The following C12orf76 variants were observed in gnomAD, a reference collection of about 807,000 sequenced individuals.
C12orf76 encodes chromosome 12 open reading frame 76.
In C12orf76, 6 loss-of-function variants were observed where a neutral mutation model predicts 6.8. That is an observed-to-expected ratio of 0.88 (90% confidence interval 0.48 to 1.73). The LOEUF is 1.73. C12orf76 is among the 40% of genes most tolerant of loss of function. The pLI, the probability that C12orf76 is intolerant of heterozygous loss-of-function variation, is 0.01. For synonymous variants in C12orf76, 56 were observed against 43.7 expected, an observed-to-expected ratio of 1.28 and a Z score of -1.11; for missense variants, 99 against 98.2, an observed-to-expected ratio of 1.01 and a Z score of -0.03.
chr12:110,045,388 C>T (rs1892424076), intron 1 of C12orf76, among the ~76,000 whole-genome samples: 1 of 151,596 alleles, frequency 6.6e-6, no homozygotes, highest in Non-Finnish European at 1.5e-5. Context: ...GAGATCGAGA[C>T]CACTCTGGCT....
chr12:110,062,221 G>A (rs1037167920), intron 2 of C12orf76, among the ~76,000 whole-genome samples: 1 of 152,124 alleles, frequency 6.6e-6, no homozygotes, highest in African/African-American at 2.4e-5. Flanking sequence ...CCAAGATCGT[G>A]CCACTCCACT....
chr12:110,066,479 G>A (rs935310170), intron 1 of C12orf76, among the ~76,000 whole-genome samples: 3 of 151,132 alleles, frequency 2.0e-5, no homozygotes, highest in African/African-American at 7.3e-5. Flanking sequence ...CCTGAGGTCG[G>A]GAGTTTGAGA....
In C12orf76 at chr12:110,042,409, C is replaced by A; in HGVS notation, c.184G>T (p.Ala62Ser). Reference protein sequence around the residue: ...SILLVTVILMAFCVYKPIRRR With the variant: ...SILLVTVILMSFCVYKPIRRR ...CGAATGGGCTTGTAGACACAAAATG[C>A]CATAAGGATGACAGTCACCAGCAGG... Residue 62 changes from alanine (A) to serine (S), a missense_variant, in exon 2 of 2, where the codon GCA becomes TCA. By Grantham distance (99) the Ala-to-Ser change is moderately conservative. Coordinates refer to ENST00000615315, the MANE Select transcript of C12orf76 (RefSeq NM_001389625.1). The A allele has an allele frequency of 6.2e-7, 1 of 1,614,098 alleles. No homozygotes were observed. Among genetic ancestry groups the A allele is most frequent in the Non-Finnish European group, 8.5e-7 (1 of 1,179,970 alleles).
chr12:110,061,727 G>A (rs913819901), intron 2 of C12orf76, among the ~76,000 whole-genome samples: 2 of 151,520 alleles, frequency 1.3e-5, no homozygotes, highest in African/African-American at 2.4e-5. Context: ...TAGTAGAGAT[G>A]GGGTTTCACC....
chr12:110,056,154 G>C (rs1339480508), intron 4 of C12orf76, among the ~76,000 whole-genome samples: 3 of 152,090 alleles, frequency 2.0e-5, no homozygotes, highest in Non-Finnish European at 2.9e-5. Flanking sequence ...TTACCTGTAG[G>C]AGGGGAATAC....
upstream of C12orf76, chr12:110,051,051 C>G: frequency 1.3e-6 from 1 of 779,686 alleles, no homozygotes; most frequent in Non-Finnish European, 2.4e-6. Context: ...CCAACTTCTT[C>G]ATTTCTTTCT....
At chr12:110,070,869 G>A (rs1356550191), upstream of C12orf76, among the ~76,000 whole-genome samples, 1 of 152,196 alleles carries the variant, frequency 6.6e-6, no homozygotes, top group Non-Finnish European at 1.5e-5. Flanking sequence ...CCACCTCCCA[G>A]ATTCAAGCAA....
intron 2 of C12orf76, among the ~76,000 whole-genome samples, chr12:110,063,741 CCTCAGG>C (rs149712795): frequency 0.033 from 4,939 of 151,864 alleles, 265 homozygotes; most frequent in African/African-American, 0.11. Flanking sequence ...GATTCTCCAG[CCTCAGG>C]CTCCCAAGTA....
In C12orf76 at chr12:110,042,328, C is replaced by T; in HGVS notation, c.*46G>A. ...CTTCTCCACTGGCCTGTGTGCAACACAACTTATCCTATTCCCAAATACTCA... is the reference window on the plus strand; with the variant it reads ...CTTCTCCACTGGCCTGTGTGCAACATAACTTATCCTATTCCCAAATACTCA... On this transcript the variant is annotated 3_prime_UTR_variant, in exon 2 of 2. Coordinates refer to ENST00000615315, the MANE Select transcript of C12orf76 (RefSeq NM_001389625.1). The T allele has an allele frequency of 6.5e-7, 1 of 1,542,546 alleles. No homozygotes were observed. The highest frequency in any genetic ancestry group is 9.0e-7 in the Non-Finnish European group (1 of 1,115,630).
upstream of C12orf76, among the ~76,000 whole-genome samples, chr12:110,071,646 C>A (rs372542369): frequency 1.7e-4 from 26 of 152,178 alleles, no homozygotes; most frequent in East Asian, 2.7e-3. Flanking sequence ...TACACTGCCA[C>A]CCTCTATAAG....
chr12:110,065,642 G>A (rs1892846160), intron 2 of C12orf76, among the ~76,000 whole-genome samples: 1 of 152,060 alleles, frequency 6.6e-6, no homozygotes, highest in Non-Finnish European at 1.5e-5. Context: ...CCTTGCATCT[G>A]GTGACTCCAG....
At chr12:110,056,148 C>T (rs1216360356) in intron 4 of C12orf76, among the ~76,000 whole-genome samples, 1 of 151,962 alleles carries the variant, frequency 6.6e-6, no homozygotes, top group Non-Finnish European at 1.5e-5. Flanking sequence ...CACACTTTAC[C>T]TGTAGGAGGG....
intron 1 of C12orf76, 116 bp from the exon 2 acceptor site, chr12:110,042,575 T>C (rs1238295704): frequency 1.4e-6 from 1 of 729,076 alleles, no homozygotes; most frequent in Non-Finnish European, 2.5e-6. Context: ...TCAAGTGCTG[T>C]GCAAACAGCT....
intron 2 of C12orf76, chr12:110,065,849 T>A (rs759616624): frequency 6.2e-7 from 1 of 1,614,120 alleles, no homozygotes; most frequent in Non-Finnish European, 8.5e-7. Context: ...GGCTCTACCC[T>A]CCTCTCTTAC....
intron 4 of C12orf76, among the ~76,000 whole-genome samples, chr12:110,055,341 G>T (rs1175876329): frequency 6.6e-6 from 1 of 151,488 alleles, no homozygotes; most frequent in Non-Finnish European, 1.5e-5. Context: ...AGCCTCCCTA[G>T]TATTACAGGC....
upstream of C12orf76, among the ~76,000 whole-genome samples, chr12:110,071,804 C>A (rs113796393): frequency 2.6e-3 from 393 of 152,190 alleles, 2 homozygotes; most frequent in African/African-American, 9.0e-3. Flanking sequence ...AAAAGACAGA[C>A]AATAACAAGA....
At chr12:110,042,671 C>T (rs1257528306) in intron 1 of C12orf76, 4 of 664,418 alleles carry the variant, frequency 6.0e-6, no homozygotes, top group African/African-American at 1.8e-5. Flanking sequence ...CTTGATATAC[C>T]GTGAAAAAAA....
chr12:110,044,153 A>C (rs1453253164), intron 1 of C12orf76: 2 of 152,188 alleles, frequency 1.3e-5, no homozygotes, highest in African/African-American at 4.8e-5. Context: ...AAAACAAGCA[A>C]ATGTACACTG....
chr12:110,068,366 G>A (rs1422629566), upstream of C12orf76, among the ~76,000 whole-genome samples: 3 of 152,008 alleles, frequency 2.0e-5, no homozygotes, highest in African/African-American at 7.3e-5. Flanking sequence ...CCAAGACGTA[G>A]GGAGAGAGAA....
Sources: allele counts gnomAD v4.1 joint callset (sites outside exome capture counted in the v4.1 genomes callset), GRCh38; gene constraint gnomAD v4.1.1; transcripts MANE v1.5; gene names NCBI Gene and HGNC (gene_info 2026-07-23, HGNC 2026-07-21).